SLC22A23: variants seen among roughly 807,000 people sequenced by gnomAD.
SLC22A23 encodes the protein solute carrier family 22 member 23.
Under a neutral mutation model 61.0 loss-of-function variants are expected in SLC22A23, and 26 were observed. That is an observed-to-expected ratio of 0.43 (90% confidence interval 0.31 to 0.59). The LOEUF (loss-of-function observed/expected upper bound fraction) is 0.59. SLC22A23 is among the 20% of genes least tolerant of loss of function. The pLI, the probability that SLC22A23 is intolerant of heterozygous loss-of-function variation, is 0.11. For missense variants in SLC22A23, 796 were observed against 934.7 expected (o/e 0.85, Z 1.94); for synonymous variants, 430 against 413.9 (o/e 1.04, Z -0.47).
At position 3,374,499 on chromosome 6, in the gene SLC22A23, C is replaced by T. The variant is rs567259038; in HGVS notation, c.913+35689G>A. On this transcript the variant is annotated intron_variant, in intron 3 of 9. Transcript: ENST00000406686. ...AAAGTGCTGGAGCCAGCAATGAGGGCGACAAGTTGAGGAGCCAAAGGAAGG... is the reference window on the plus strand; with the variant it reads ...AAAGTGCTGGAGCCAGCAATGAGGGTGACAAGTTGAGGAGCCAAAGGAAGG... 6.6e-5 allele frequency among the ~76,000 whole-genome samples: 10 copies of T among 152,146 alleles called. 1 individual carries two copies. The highest frequency in any genetic ancestry group is 2.1e-4 in the South Asian group (1 of 4,798).
chr6:3,441,199 A>G lies in SLC22A23; in HGVS notation c.654+14707T>C, dbSNP rs559029149. On this transcript the variant is annotated intron_variant, in intron 1 of 9. Coordinates refer to ENST00000406686, the MANE Select transcript of SLC22A23 (RefSeq NM_015482.2). ...TGGTTTTCAAGAGGCATTGAGTAAC[A>G]TGGGTGTGTCCTGGAGGTACAGCGC... Among the ~76,000 whole-genome samples the G allele has an allele frequency of 3.3e-5, 5 of 152,278 alleles. No homozygotes were observed. In the South Asian group the frequency reaches 1.0e-3, roughly 32 times the overall value.
At chr6:3,400,405 C>T (rs935790776) in intron 3 of SLC22A23, among the ~76,000 whole-genome samples, 3 of 152,166 alleles carry the variant, frequency 2.0e-5, no homozygotes, top group Non-Finnish European at 4.4e-5. Context: ...AGGAAAGGGC[C>T]GATTATTTCA....
At chr6:3,393,407 C>T (rs1162151857) in intron 3 of SLC22A23, among the ~76,000 whole-genome samples, 1 of 152,190 alleles carries the variant, frequency 6.6e-6, no homozygotes, top group African/African-American at 2.4e-5. Context: ...ATGACAAATT[C>T]AGTCCCTTAG....
At position 3,297,610 on chromosome 6, in the gene SLC22A23, T is replaced by A. The variant is rs1350112766; in HGVS notation, c.1210+481A>T. Among the ~76,000 whole-genome samples the A allele has an allele frequency of 6.6e-6, 1 of 152,192 alleles. No individual in the cohort carries two copies. The highest frequency in any genetic ancestry group is 1.5e-5 in the Non-Finnish European group (1 of 68,036). ...TCCTGACACGCAGGAATTCTATGGA[T>A]CTGAACGACTATCCAAAAACACTTC... On this transcript the variant is annotated intron_variant, in intron 5 of 9. Transcript: ENST00000406686. The surrounding 1 kb of genome is among the most constrained non-coding windows in gnomAD (Gnocchi z 4.3).
rs965360519 is a variant in SLC22A23 at position 3,414,447 on chromosome 6, G to A, written c.758+1305C>T. ...TTCTCTGTTGCTGTCCACAGAGAAC[G>A]TGTCCATGAGAAGCACTTGCAAATC... On this transcript the variant is annotated intron_variant, in intron 2 of 9. Coordinates refer to ENST00000406686, the MANE Select transcript of SLC22A23 (RefSeq NM_015482.2). This position sits in a 1 kb window ranked among gnomAD's most constrained non-coding sequence, Gnocchi z 5.1. 2.0e-5 allele frequency among the ~76,000 whole-genome samples: 3 copies of A among 152,120 alleles called. No individual in the cohort carries two copies. Among genetic ancestry groups the A allele is most frequent in the Non-Finnish European group, 2.9e-5 (2 of 68,012 alleles).
intron 3 of SLC22A23, among the ~76,000 whole-genome samples, chr6:3,362,923 G>A (rs906336121): frequency 3.9e-5 from 6 of 152,180 alleles, no homozygotes; most frequent in South Asian, 2.1e-4. Flanking sequence ...TTCCATGTGC[G>A]CGTGAATGAA....
At chr6:3,409,100 C>T (rs1769029773) in intron 3 of SLC22A23, among the ~76,000 whole-genome samples, 1 of 152,228 alleles carries the variant, frequency 6.6e-6, no homozygotes, top group Non-Finnish European at 1.5e-5. Context: ...CACCCAGGCC[C>T]ACTCATCTTG....
intron 3 of SLC22A23, among the ~76,000 whole-genome samples, chr6:3,336,433 C>G (rs184487168): frequency 8.5e-4 from 129 of 152,342 alleles, no homozygotes; most frequent in Middle Eastern, 3.4e-3. Context: ...TATTTCAATA[C>G]TGCTAAAAAT....
intron 3 of SLC22A23, among the ~76,000 whole-genome samples, chr6:3,331,494 C>T (rs1027860056): frequency 1.3e-5 from 2 of 152,158 alleles, no homozygotes; most frequent in Non-Finnish European, 2.9e-5. Flanking sequence ...CGGCACCCTA[C>T]GTGGGAACTC....
rs1770587956 is a variant in SLC22A23 at position 3,427,610 on chromosome 6, A to G, written c.655-11755T>C. 6.6e-6 allele frequency among the ~76,000 whole-genome samples: 1 copy of G among 151,780 alleles called. No homozygotes were observed. Among genetic ancestry groups the G allele is most frequent in the South Asian group, 2.1e-4 (1 of 4,802 alleles). ...TACCGTGCTTTCAGGTCCTCCCACCACCTCTCAGGATGCCGTGCCCTTCAC... is the reference window on the plus strand; with the variant it reads ...TACCGTGCTTTCAGGTCCTCCCACCGCCTCTCAGGATGCCGTGCCCTTCAC... On this transcript the variant is annotated intron_variant, in intron 1 of 9. Coordinates refer to ENST00000406686, the MANE Select transcript of SLC22A23 (RefSeq NM_015482.2). This position sits in a 1 kb window ranked among gnomAD's most constrained non-coding sequence, Gnocchi z 4.3.
At chr6:3,275,392 T>A (rs1484102826) in intron 9 of SLC22A23, among the ~76,000 whole-genome samples, 1 of 152,214 alleles carries the variant, frequency 6.6e-6, no homozygotes, top group Admixed American at 6.5e-5. Flanking sequence ...AAAAGCTTTA[T>A]GACGTTGGGT....
chr6:3,289,759 C>A lies in SLC22A23; in HGVS notation c.1313+5G>T. ...CCCAGCTGGCACTTGTCCTCTGTGA[C>A]TCACGAGTTCACACACAGGACCACA... is the stretch of plus-strand genomic sequence containing the variant. On this transcript the variant is annotated splice_donor_5th_base_variant and intron_variant, in intron 6 of 9. Coordinates refer to ENST00000406686, the MANE Select transcript of SLC22A23 (RefSeq NM_015482.2). 6.2e-7 allele frequency: 1 copy of A among 1,612,422 alleles called. No homozygotes were observed. Among genetic ancestry groups the A allele is most frequent in the Non-Finnish European group, 8.5e-7 (1 of 1,178,706 alleles).
chr6:3,398,728 T>C (rs959690285), intron 3 of SLC22A23, among the ~76,000 whole-genome samples: 6 of 151,932 alleles, frequency 3.9e-5, no homozygotes, highest in African/African-American at 1.5e-4. Context: ...GGTAGAGGTC[T>C]TAGCTTTGAA....
intron 3 of SLC22A23, among the ~76,000 whole-genome samples, chr6:3,401,831 G>C (rs1046442859): frequency 1.3e-5 from 2 of 152,130 alleles, no homozygotes; most frequent in Non-Finnish European, 1.5e-5. Flanking sequence ...GGACACGGGG[G>C]CCTTGCTCCT....
chr6:3,403,367 C>T (rs946327022), intron 3 of SLC22A23, among the ~76,000 whole-genome samples: 1 of 151,890 alleles, frequency 6.6e-6, no homozygotes, highest in African/African-American at 2.4e-5. Flanking sequence ...AAAAAAACTC[C>T]CAGGGAGTGT....
chr6:3,379,439 C>G (rs576088653), intron 3 of SLC22A23, among the ~76,000 whole-genome samples: 38 of 152,218 alleles, frequency 2.5e-4, no homozygotes, highest in African/African-American at 8.9e-4. Flanking sequence ...TGCTATGGAA[C>G]GCTGTCACAG....
At chr6:3,432,275 C>T (rs1405903264) in intron 1 of SLC22A23, 18 of 985,320 alleles carry the variant, frequency 1.8e-5, no homozygotes, top group Middle Eastern at 5.2e-4. Flanking sequence ...GCTGAGTGAA[C>T]GCTGGCTCCT....
At chr6:3,423,080 G>A (rs932508178) in intron 1 of SLC22A23, among the ~76,000 whole-genome samples, 3 of 150,694 alleles carry the variant, frequency 2.0e-5, no homozygotes, top group Non-Finnish European at 2.9e-5. Context: ...TCTACTGTCC[G>A]CTCCTCTTCT....
Position 3,286,643 on chromosome 6 carries a change from G to A in SLC22A23, c.1546+216C>T, listed in dbSNP as rs571997941. On this transcript the variant is annotated intron_variant, in intron 7 of 9. Transcript: ENST00000406686. This position sits in a 1 kb window ranked among gnomAD's most constrained non-coding sequence, Gnocchi z 4.2. ...CTCGGAAGGAATCATGGTGCAGCCC[G>A]GGCCGGGGCAGGGGCAGGGGGAGGC... Among the ~76,000 whole-genome samples, 8 of 152,176 alleles carry A rather than the reference G, an allele frequency of 5.3e-5. No homozygotes were observed. Among genetic ancestry groups the A allele is most frequent in the South Asian group, 4.1e-4 (2 of 4,826 alleles).
Sources: allele counts gnomAD v4.1 joint callset (sites outside exome capture counted in the v4.1 genomes callset), GRCh38; gene constraint gnomAD v4.1.1; non-coding constraint Gnocchi (gnomAD v3.1); transcripts MANE v1.5; gene names NCBI Gene and HGNC (gene_info 2026-07-23, HGNC 2026-07-21).